The following ITGAL variants were observed in gnomAD, a reference collection of about 807,000 sequenced individuals.
ITGAL encodes the protein integrin subunit alpha L.
Under a neutral mutation model 138.4 loss-of-function variants are expected in ITGAL, and 68 were observed. That is an observed-to-expected ratio of 0.49 (90% CI 0.40 to 0.60). The LOEUF is 0.60. Ranked by LOEUF, ITGAL falls within the 20% of genes least tolerant of loss-of-function variation. The probability of loss-of-function intolerance (pLI) is 0.00; values close to 1 mark genes in which losing one functional copy is unlikely to be tolerated. For missense variants in ITGAL, 1,256 were observed against 1,478.6 expected, an observed-to-expected ratio of 0.85 and a Z score of 2.47; for synonymous variants, 561 against 584.3, an observed-to-expected ratio of 0.96 and a Z score of 0.57.
In ITGAL at chr16:30,490,225, CT is replaced by C. The variant is rs200841490; in HGVS notation, c.1213+841del. Among the ~76,000 whole-genome samples, 23 of 24,410 alleles carry C rather than the reference CT, an allele frequency of 9.4e-4. 8 individuals are homozygous for C. The highest frequency in any genetic ancestry group is 3.3e-3 in the Admixed American group (4 of 1,198). 16.0% of individuals were successfully genotyped at this position (24,410 alleles called of 152,430 possible). A position where few individuals can be genotyped will look rare whatever the true frequency, so the allele number is the denominator to read the frequency against. On this transcript the variant is annotated intron_variant, in intron 11 of 30. Transcript: ENST00000356798. ...CCAAGATGACAGAGCGAGACTCCGT[CT>C]TAAAAAAAAAAAAAAAAAAAAGGCC...
chr16:30,518,448 CAAAAAAA>C (rs371321025), intron 28 of ITGAL, among the ~76,000 whole-genome samples, 169 bp from the exon 29 acceptor site: 12 of 99,680 alleles, frequency 1.2e-4, no homozygotes, highest in African/African-American at 4.4e-4. Context: ...GACTCCATCT[CAAAAAAA>C]AAAAAAAAAT....
intron 28 of ITGAL, among the ~76,000 whole-genome samples, chr16:30,518,153 G>A (rs560029037): frequency 6.6e-6 from 1 of 152,168 alleles, no homozygotes; most frequent in South Asian, 2.1e-4. Flanking sequence ...CGACATATTA[G>A]GGTGCCACAG....
In ITGAL at chr16:30,499,371, A is replaced by T; in HGVS notation, c.2027A>T (p.Gln676Leu). The T allele has an allele frequency of 6.2e-7, 1 of 1,614,052 alleles. No individual in the cohort carries two copies. Among genetic ancestry groups the T allele is most frequent in the Non-Finnish European group, 8.5e-7 (1 of 1,180,016 alleles). ...GTTGCCAATCTCACTTACACTCTGC[A>T]GCTGGATGGCCACCGGACCAGAAGA... is the stretch of plus-strand genomic sequence containing the variant. ...RLVANLTYTL[Q>L]LDGHRTRRRG... is the part of the protein sequence containing the mutation. Residue 676 changes from glutamine (Q) to leucine (L), a missense_variant, in exon 17 of 31, where the codon CAG (glutamine) becomes CTG (leucine). Physicochemically the swap from Gln to Leu is moderately radical, Grantham distance 113. Around this residue, in one of 3 missense-constraint regions of ITGAL, gnomAD observed 867 missense variants for 972.5 expected, o/e 0.89. Coordinates refer to ENST00000356798, the MANE Select transcript of ITGAL (RefSeq NM_002209.3).
At position 30,502,833 on chromosome 16, in the gene ITGAL, A is replaced by C. The variant is rs1298855860; in HGVS notation, c.2146-1342A>C. 4.3e-5 allele frequency among the ~76,000 whole-genome samples: 6 copies of C among 140,312 alleles called. No homozygotes were observed. In the East Asian group the frequency reaches 1.3e-3, roughly 31 times the overall value. The allele number at this position is 140,312 out of a possible 152,430, so 92.1% of individuals were successfully genotyped here. A position where few individuals can be genotyped will look rare whatever the true frequency, so the allele number is the denominator to read the frequency against. ...TGTTTTAAACTTTTTTTTTTTTTTGAGATGGAGTCTCACTGTGTTGCCCAG... is the reference window on the plus strand; with the variant it reads ...TGTTTTAAACTTTTTTTTTTTTTTGCGATGGAGTCTCACTGTGTTGCCCAG... On this transcript the variant is annotated intron_variant, in intron 17 of 30. Transcript: ENST00000356798.
rs557243720 is a variant in ITGAL, at chr16:30,513,211, G to A, written c.2787-560G>A. On this transcript the variant is annotated intron_variant, in intron 24 of 30. Coordinates refer to ENST00000356798, the MANE Select transcript of ITGAL (RefSeq NM_002209.3). Reference sequence around the variant, plus strand: ...ACCATGGCCCAGACAAAGGCAAGGAGGGAGGAAGCAGTGGGGCATACCTGG... The same window carrying A: ...ACCATGGCCCAGACAAAGGCAAGGAAGGAGGAAGCAGTGGGGCATACCTGG... Among the ~76,000 whole-genome samples the A allele has an allele frequency of 2.6e-5, 4 of 152,322 alleles. No individual in the cohort carries two copies. In the East Asian group the frequency reaches 7.7e-4, roughly 29 times the overall value.
At chr16:30,487,169 T>C (rs2050659875) in intron 9 of ITGAL, among the ~76,000 whole-genome samples, 1 of 150,400 alleles carries the variant, frequency 6.6e-6, no homozygotes, top group African/African-American at 2.4e-5. Context: ...AAAAAAGAGT[T>C]TCTACTATAT....
chr16:30,485,219 C>G (rs2050625400), intron 9 of ITGAL, among the ~76,000 whole-genome samples: 1 of 100,138 alleles, frequency 1.0e-5, no homozygotes, highest in African/African-American at 3.8e-5. Context: ...CTCTTCTTTT[C>G]TCTTCTCTCT....
rs1264100177 is a variant in ITGAL at position 30,483,963 on chromosome 16, G to C, written c.855+4G>C. ...CATCATCCGCTACATCATCGGGGTA[G>C]GGCCCCTGCTGCTTCCTGCATCATA... On this transcript the variant is annotated splice_donor_region_variant and intron_variant, in intron 8 of 30. Coordinates refer to ENST00000356798, the MANE Select transcript of ITGAL (RefSeq NM_002209.3). 1 of 1,610,294 alleles carries C rather than the reference G, an allele frequency of 6.2e-7. No homozygotes were observed.
rs758153713 is a variant in ITGAL, at chr16:30,474,260, GA to G, written c.127del (p.Arg43GlyfsTer43). 2 of 1,610,020 alleles carry G rather than the reference GA, an allele frequency of 1.2e-6. No individual in the cohort carries two copies. The highest frequency in any genetic ancestry group is 1.7e-6 in the Non-Finnish European group (2 of 1,178,350). ...ARSFSPPRAG[R>X]HFGYRVLQVG... ...GGAGCTTCTCCCCACCGCGCGCCGG[GA>G]GGCACTTTGGATACCGCGTCCTGCA... On this transcript the variant is annotated frameshift_variant, in exon 2 of 31. Transcript: ENST00000356798. LOFTEE classifies it high-confidence loss of function.
At chr16:30,479,968 G>A (rs565476537) in intron 6 of ITGAL, among the ~76,000 whole-genome samples, 5 of 149,358 alleles carry the variant, frequency 3.3e-5, no homozygotes, top group African/African-American at 7.4e-5. Flanking sequence ...TTTTGAGACA[G>A]GGTCTCACTG....
At chr16:30,496,650 GT>G (rs200781748) in intron 15 of ITGAL, 84 bp downstream of exon 15, 28 of 1,300,882 alleles carry the variant, frequency 2.2e-5, no homozygotes, top group East Asian at 1.4e-4. Context: ...ATTTATTTTG[GT>G]TTTTTTTAGA....
At position 30,499,466 on chromosome 16, in the gene ITGAL, A is replaced by T; in HGVS notation, c.2122A>T (p.Thr708Ser). Reference sequence around the variant, plus strand: ...AGCTGTCACCACCAGCATGTCATGCACTGACTTCTCATTTCATTTCCCGGT... The same window carrying T: ...AGCTGTCACCACCAGCATGTCATGCTCTGACTTCTCATTTCATTTCCCGGT... Reference protein sequence around the residue: ...NIAVTTSMSCTDFSFHFPVCV... With the variant: ...NIAVTTSMSCSDFSFHFPVCV... Residue 708 changes from threonine (T) to serine (S), a missense_variant, in exon 17 of 31, where the codon ACT becomes TCT. Around this residue, in one of 3 missense-constraint regions of ITGAL, gnomAD observed 867 missense variants for 972.5 expected, o/e 0.89. Transcript: ENST00000356798. The T allele has an allele frequency of 6.2e-7, 1 of 1,613,802 alleles. No homozygotes were observed. Among genetic ancestry groups the T allele is most frequent in the Non-Finnish European group, 8.5e-7 (1 of 1,179,986 alleles).
intron 9 of ITGAL, among the ~76,000 whole-genome samples, chr16:30,485,783 C>G (rs1269249088): frequency 1.3e-5 from 2 of 151,932 alleles, no homozygotes; most frequent in African/African-American, 4.8e-5. Context: ...ATCTGCCCAC[C>G]TCGGCCTCCT....
intron 11 of ITGAL, among the ~76,000 whole-genome samples, chr16:30,491,960 A>C (rs1314859984): frequency 6.6e-6 from 1 of 152,270 alleles, no homozygotes; most frequent in East Asian, 1.9e-4. Flanking sequence ...ATACGACAAT[A>C]GGGAAGCGGT....
intron 17 of ITGAL, among the ~76,000 whole-genome samples, chr16:30,500,697 G>A (rs1332288285): frequency 6.6e-6 from 1 of 152,054 alleles, no homozygotes; most frequent in Non-Finnish European, 1.5e-5. Context: ...CTACAGGCAT[G>A]CACCACCACA....
Position 30,479,206 on chromosome 16 carries a change from A to T in ITGAL, c.443A>T (p.Gln148Leu). The T allele has an allele frequency of 6.2e-7, 1 of 1,613,990 alleles. No individual in the cohort carries two copies. The highest frequency in any genetic ancestry group is 8.5e-7 in the Non-Finnish European group (1 of 1,179,962). The change falls in exon 5 of 31, where the codon CAG becomes CTG. Residue 148 changes from glutamine to leucine, a missense_variant and splice_region_variant. By Grantham distance (113) the Gln-to-Leu change is moderately radical. Coordinates refer to ENST00000356798, the MANE Select transcript of ITGAL (RefSeq NM_002209.3). ...ATGCTGCAGGGGCGCCCTGGTTTTC[A>T]GGGTAAGGAACTGGGGACTCATTGG... ...GPMLQGRPGF[Q>L]ECIKGNVDLV...
chr16:30,494,963 A>G lies in ITGAL; in HGVS notation c.1503+113A>G. ...GTCACGTGGCGATCAAACTTTTAGA[A>G]CGACAGAGAGGCAATAGCAAATCCT... On this transcript the variant is annotated intron_variant, in intron 13 of 30. Transcript: ENST00000356798. This position sits in a 1 kb window ranked among gnomAD's most constrained non-coding sequence, Gnocchi z 4.2. 1 of 1,185,926 alleles carries G rather than the reference A, an allele frequency of 8.4e-7. No homozygotes were observed. Among genetic ancestry groups the G allele is most frequent in the Non-Finnish European group, 1.2e-6 (1 of 854,664 alleles). 73.5% of individuals were successfully genotyped at this position (1,185,926 alleles called of 1,614,324 possible).
In ITGAL at chr16:30,484,403, G is replaced by A. The variant is rs1597070961; in HGVS notation, c.1006+140G>A. On this transcript the variant is annotated intron_variant, in intron 9 of 30. Transcript: ENST00000356798. Reference sequence around the variant, plus strand: ...GCAGGTGGATCAATTGAGCTCAGGAGTTTGAGACCAGCCTGGGCAACATGG... The same window carrying A: ...GCAGGTGGATCAATTGAGCTCAGGAATTTGAGACCAGCCTGGGCAACATGG... 5 of 739,966 alleles carry A rather than the reference G, an allele frequency of 6.8e-6. No individual in the cohort carries two copies. In the East Asian group the frequency reaches 1.4e-4, roughly 20 times the overall value. 45.8% of individuals were successfully genotyped at this position (739,966 alleles called of 1,614,324 possible).
intron 7 of ITGAL, among the ~76,000 whole-genome samples, chr16:30,483,535 G>A (rs2050589319): frequency 6.6e-6 from 1 of 152,188 alleles, no homozygotes; most frequent in African/African-American, 2.4e-5. Flanking sequence ...TGGTTGCAAT[G>A]GAGGGTAGGA....
Sources: allele counts gnomAD v4.1 joint callset (sites outside exome capture counted in the v4.1 genomes callset), GRCh38; gene constraint gnomAD v4.1.1; regional missense constraint gnomAD v4.1.1; non-coding constraint Gnocchi (gnomAD v3.1); transcripts MANE v1.5; gene names NCBI Gene and HGNC (gene_info 2026-07-23, HGNC 2026-07-21).